MSANTD2: variants seen among roughly 807,000 people sequenced by gnomAD.
MSANTD2 encodes Myb/SANT DNA binding domain containing 2.
MSANTD2 carries 19 observed loss-of-function variants against 52.6 expected under a neutral mutation model. The observed-to-expected ratio is 0.36, with a 90% CI of 0.25 to 0.53. The LOEUF is 0.53. Ranked by LOEUF, MSANTD2 falls within the 20% of genes least tolerant of loss-of-function variation. MSANTD2 has a pLI of 0.91. For synonymous variants in MSANTD2, 291 were observed against 289.7 expected, an observed-to-expected ratio of 1.00 and a Z score of -0.04; for missense variants, 558 against 716.3, an observed-to-expected ratio of 0.78 and a Z score of 2.52.
In MSANTD2 at chr11:124,795,678, CTTTTAT is replaced by C. The variant is rs150957994; in HGVS notation, c.510+4187_510+4192del. Among the ~76,000 whole-genome samples the C allele has an allele frequency of 6.6e-3, 1,002 of 152,224 alleles. 4 individuals are homozygous for C. The highest frequency in any genetic ancestry group is 9.2e-3 in the Non-Finnish European group (624 of 68,012). Reference sequence around the variant, plus strand: ...TTGGACTACAGGAGTGTATATTATACTTTTATTTTTATTTTTATTTTTAAAACTACA... The same window carrying C: ...TTGGACTACAGGAGTGTATATTATACTTTTATTTTTATTTTTAAAACTACA... On this transcript the variant is annotated intron_variant, in intron 1 of 3. Transcript: ENST00000374979.
At chr11:124,784,668 G>C (rs1404378089) in intron 1 of MSANTD2, 14 of 984,524 alleles carry the variant, frequency 1.4e-5, no homozygotes, top group African/African-American at 1.7e-5. Flanking sequence ...GATTCTCTCA[G>C]TTCTGTAGTT....
Position 124,774,636 on chromosome 11 carries a change from T to C in MSANTD2, c.766+83A>G. ...TATAGGGAACAGTACCAAAGATATT[T>C]ACAGGTAATAAGTACTGGTGCACAT... On this transcript the variant is annotated intron_variant, in intron 2 of 3. Coordinates refer to ENST00000374979, the MANE Select transcript of MSANTD2 (RefSeq NM_001308027.2). This position sits in a 1 kb window ranked among gnomAD's most constrained non-coding sequence, Gnocchi z 5.1. 7.3e-7 allele frequency: 1 copy of C among 1,374,050 alleles called. No homozygotes were observed. Among genetic ancestry groups the C allele is most frequent in the Non-Finnish European group, 1.0e-6 (1 of 987,032 alleles). 85.1% of individuals were successfully genotyped at this position (1,374,050 alleles called of 1,614,324 possible). A position where few individuals can be genotyped will look rare whatever the true frequency, so the allele number is the denominator to read the frequency against.
chr11:124,799,853 G>A lies in MSANTD2; in HGVS notation c.510+18C>T, dbSNP rs1391177683. On this transcript the variant is annotated intron_variant, in intron 1 of 3. Transcript: ENST00000374979. Reference sequence around the variant, plus strand: ...TCTCTGCCTCTGGTTCGCTGCCCCAGGCCGGGCGGCCGGTTACCTTGATGC... The same window carrying A: ...TCTCTGCCTCTGGTTCGCTGCCCCAAGCCGGGCGGCCGGTTACCTTGATGC... 7 of 1,562,464 alleles carry A rather than the reference G, an allele frequency of 4.5e-6. No homozygotes were observed. Among genetic ancestry groups the A allele is most frequent in the South Asian group, 1.1e-5 (1 of 87,908 alleles).
chr11:124,784,418 A>C (rs1032699771), intron 1 of MSANTD2: 2 of 985,336 alleles, frequency 2.0e-6, no homozygotes, highest in African/African-American at 3.5e-5. Context: ...TCTTCGTTAA[A>C]GTACTCCCAA....
At chr11:124,783,862 T>C (rs1591462806) in intron 1 of MSANTD2, 7 of 985,404 alleles carry the variant, frequency 7.1e-6, no homozygotes, top group Non-Finnish European at 8.4e-6. Flanking sequence ...CCATAAAGCT[T>C]CTGACCCTAT....
chr11:124,784,493 G>A (rs951389357), intron 1 of MSANTD2: 7 of 773,000 alleles, frequency 9.1e-6, no homozygotes, highest in East Asian at 1.4e-4. Flanking sequence ...CCCCCCCCCC[G>A]CCACCTCAAA....
At chr11:124,792,315 T>A (rs1199279847) in intron 1 of MSANTD2, 1 of 152,222 alleles carries the variant, frequency 6.6e-6, no homozygotes, top group Non-Finnish European at 1.5e-5. Context: ...ATGACACCAC[T>A]AAGGCATCAT....
intron 1 of MSANTD2, chr11:124,789,891 G>A (rs1945275467): frequency 6.6e-6 from 1 of 152,206 alleles, no homozygotes; most frequent in Non-Finnish European, 1.5e-5. Flanking sequence ...ATAGCACACA[G>A]AACACAGTGG....
chr11:124,783,952 A>G (rs1945072253), intron 1 of MSANTD2: 1 of 985,322 alleles, frequency 1.0e-6, no homozygotes, highest in South Asian at 4.7e-5. Flanking sequence ...CCTAGCATGC[A>G]TGTTCATGTA....
Position 124,774,771 on chromosome 11 carries a change from G to C in MSANTD2, c.714C>G (p.Asp238Glu). ...GGAGATCCTGACTGTGGTTTCCCCA[G>C]TCCTCCTGTGAATAGTCCTCCATAG... The part of the protein sequence containing the change: ...GSTMEDYSQE[D>E]WGNHSQDLHG... The change falls in exon 2 of 4, where the codon GAC (aspartate) becomes GAG (glutamate). Residue 238 changes from aspartate (D) to glutamate (E), a missense_variant. This residue lies in a region of MSANTD2 where 408 missense variants were observed against 573.6 expected (regional missense o/e 0.71). Transcript: ENST00000374979. This position sits in a 1 kb window ranked among gnomAD's most constrained non-coding sequence, Gnocchi z 5.1. The C allele has an allele frequency of 1.2e-6, 2 of 1,614,134 alleles. No individual in the cohort carries two copies. The highest frequency in any genetic ancestry group is 1.7e-6 in the Non-Finnish European group (2 of 1,180,012).
At chr11:124,799,573 C>T (rs1177637284) in intron 1 of MSANTD2, among the ~76,000 whole-genome samples, 1 of 152,208 alleles carries the variant, frequency 6.6e-6, no homozygotes, top group East Asian at 1.9e-4. Context: ...GGCACGGGGA[C>T]TGCCGCACGG....
intron 1 of MSANTD2, among the ~76,000 whole-genome samples, chr11:124,782,518 T>C (rs891729322): frequency 4.6e-5 from 7 of 152,132 alleles, no homozygotes; most frequent in Non-Finnish European, 8.8e-5. Flanking sequence ...AGAGATCATC[T>C]AGTTCATCTT....
In MSANTD2 at chr11:124,778,609, G is replaced by A. The variant is rs146590870; in HGVS notation, c.511-3635C>T. ...CGGTGGTCAACCCAGAGGAGTTCAT[G>A]GTATTTGATTTGGAAGCAATGGCAA... On this transcript the variant is annotated intron_variant, in intron 1 of 3. Coordinates refer to ENST00000374979, the MANE Select transcript of MSANTD2 (RefSeq NM_001308027.2). Among the ~76,000 whole-genome samples the A allele has an allele frequency of 2.0e-3, 301 of 152,200 alleles. 2 individuals are homozygous for A. The highest frequency in any genetic ancestry group is 7.0e-3 in the African/African-American group (291 of 41,538).
chr11:124,787,883 A>G (rs117984409), intron 1 of MSANTD2, among the ~76,000 whole-genome samples: 3,057 of 152,136 alleles, frequency 0.02, 55 homozygotes, highest in Non-Finnish European at 0.029. Context: ...GCTTGAGCCC[A>G]GGAGTTAAGA....
chr11:124,783,951 C>G, intron 1 of MSANTD2: 1 of 985,404 alleles, frequency 1.0e-6, no homozygotes, highest in Non-Finnish European at 1.2e-6. Flanking sequence ...ACCTAGCATG[C>G]ATGTTCATGT....
At chr11:124,788,530 A>T (rs561805116) in intron 1 of MSANTD2, among the ~76,000 whole-genome samples, 42 of 152,368 alleles carry the variant, frequency 2.8e-4, no homozygotes, top group Non-Finnish European at 4.6e-4. Flanking sequence ...ACATAAGGAA[A>T]AAAGTAATTA....
Position 124,767,959 on chromosome 11 carries a change from C to T in MSANTD2, c.897G>A (p.Gln299=), listed in dbSNP as rs1944363803. 2 of 1,614,026 alleles carry T rather than the reference C, an allele frequency of 1.2e-6. No homozygotes were observed. Among genetic ancestry groups the T allele is most frequent in the Non-Finnish European group, 1.7e-6 (2 of 1,180,004 alleles). Residue 299 remains glutamine (Q), a synonymous_variant, in exon 4 of 4, where the codon CAG becomes CAA. Coordinates refer to ENST00000374979, the MANE Select transcript of MSANTD2 (RefSeq NM_001308027.2). The surrounding 1 kb of genome is among the most constrained non-coding windows in gnomAD (Gnocchi z 6.5). ...ESVQLKWELF[Q]SWTDFSRLHL... is the part of the protein sequence containing the mutation. ...GGAGCCTTGAAAAGTCTGTCCAGCT[C>T]TGAAAAAGTTCCCATTTCAACTGTA...
intron 1 of MSANTD2, among the ~76,000 whole-genome samples, chr11:124,786,095 CTTTTTTTT>C (rs200399771): frequency 1.1e-4 from 13 of 114,392 alleles, no homozygotes; most frequent in South Asian, 3.0e-4. Context: ...ATCATTTCTT[CTTTTTTTT>C]TTTTTTTTTT....
rs867416781 is a variant in MSANTD2, at chr11:124,767,089, C to T, written c.*87G>A. On this transcript the variant is annotated 3_prime_UTR_variant, in exon 4 of 4. Coordinates refer to ENST00000374979, the MANE Select transcript of MSANTD2 (RefSeq NM_001308027.2). This position sits in a 1 kb window ranked among gnomAD's most constrained non-coding sequence, Gnocchi z 6.5. ...AGGGTTTCCATGAAGAGTCTGACGG[C>T]GGCATCTGGATGAGGGGTGGTCCGG... 2.2e-5 allele frequency: 29 copies of T among 1,312,264 alleles called. No homozygotes were observed. Among genetic ancestry groups the T allele is most frequent in the African/African-American group, 1.3e-4 (9 of 67,382 alleles). 81.3% of individuals were successfully genotyped at this position (1,312,264 alleles called of 1,614,324 possible). A position where few individuals can be genotyped will look rare whatever the true frequency, so the allele number is the denominator to read the frequency against.
Sources: gnomAD v4.1 joint callset for allele counts (sites outside exome capture counted in the v4.1 genomes callset) on GRCh38, gnomAD v4.1.1 for gene constraint, gnomAD v4.1.1 regional missense constraint, Gnocchi (gnomAD v3.1) non-coding constraint, MANE v1.5 for transcripts, NCBI Gene and HGNC (gene_info 2026-07-23, HGNC 2026-07-21) for gene names.